NXPE2: variants seen among roughly 807,000 people sequenced by gnomAD.
NXPE2 encodes neurexophilin and PC-esterase domain family member 2, also known as NXPE family member 2.
NXPE2 carries 34 observed loss-of-function variants against 34.4 expected under a neutral mutation model. That is an observed-to-expected ratio of 0.99 (90% confidence interval 0.75 to 1.31). The LOEUF is 1.31. Among genes scored for constraint, NXPE2 ranks in the 40% most tolerant of loss-of-function variants. NXPE2 has a pLI of 0.00. For missense variants in NXPE2, 649 were observed against 672.5 expected (o/e 0.97, Z 0.39); for synonymous variants, 235 against 231.3 (o/e 1.02, Z -0.15).
chr11:114,514,902 A>C, the NXPE2 span, among the ~76,000 whole-genome samples: 1 of 152,054 alleles, frequency 6.6e-6, no homozygotes, highest in Non-Finnish European at 1.5e-5. Context: ...GTTTTAATAA[A>C]CTATATATTT....
intron 2 of NXPE2, among the ~76,000 whole-genome samples, chr11:114,693,344 T>C (rs567438078): frequency 1.4e-3 from 219 of 152,316 alleles, no homozygotes; most frequent in African/African-American, 4.7e-3. Context: ...TCAAAAGAGC[T>C]ATCCCACAAA....
At chr11:114,709,126 TTTAAA>T (rs1157560963), downstream of NXPE2, among the ~76,000 whole-genome samples, 1 of 152,242 alleles carries the variant, frequency 6.6e-6, no homozygotes, top group Admixed American at 6.5e-5. Flanking sequence ...GCTATTTAAA[TTTAAA>T]TTAAATTAAG....
intron 2 of NXPE2, among the ~76,000 whole-genome samples, chr11:114,681,555 C>A (rs17117261): frequency 0.16 from 23,842 of 152,104 alleles, 2,166 homozygotes; most frequent in South Asian, 0.2. Context: ...GTAACTTCCA[C>A]GTAGTTCTTA....
chr11:114,646,621 A>T, the NXPE2 span, among the ~76,000 whole-genome samples: 1 of 152,168 alleles, frequency 6.6e-6, no homozygotes, highest in South Asian at 2.1e-4. Flanking sequence ...GCATCAAAAT[A>T]ACAAGTATTT....
the NXPE2 span, among the ~76,000 whole-genome samples, chr11:114,485,381 G>GTTTTTTTT: frequency 1.4e-5 from 1 of 72,470 alleles, no homozygotes. Flanking sequence ...GCTAATTTTT[G>GTTTTTTTT]TCTTTTTTTT....
At chr11:114,588,092 C>A in the NXPE2 span, among the ~76,000 whole-genome samples, 1 of 152,108 alleles carries the variant, frequency 6.6e-6, no homozygotes, top group Non-Finnish European at 1.5e-5. Flanking sequence ...ATCAGGAGGG[C>A]CCAAAGGGAA....
At chr11:114,741,291 C>A in the NXPE2 span, among the ~76,000 whole-genome samples, 5 of 152,280 alleles carry the variant, frequency 3.3e-5, no homozygotes, top group Non-Finnish European at 7.4e-5. Flanking sequence ...TACAATGTGT[C>A]CTTGTGAAGT....
At chr11:114,468,149 A>G in the NXPE2 span, among the ~76,000 whole-genome samples, 2 of 130,266 alleles carry the variant, frequency 1.5e-5, no homozygotes, top group African/African-American at 3.0e-5. Flanking sequence ...AAAAAAAAAA[A>G]TTGCAAAAAG....
chr11:114,493,690 A>G, the NXPE2 span, among the ~76,000 whole-genome samples: 1 of 151,936 alleles, frequency 6.6e-6, no homozygotes, highest in South Asian at 2.1e-4. Context: ...AGTTGTAGTT[A>G]TTATTTTTTA....
the NXPE2 span, among the ~76,000 whole-genome samples, chr11:114,789,941 A>G: frequency 2.0e-4 from 31 of 152,302 alleles, no homozygotes; most frequent in South Asian, 4.1e-3. Context: ...TGCTGTACTC[A>G]AATGTTTGCT....
At chr11:114,804,588 T>A in the NXPE2 span, among the ~76,000 whole-genome samples, 1 of 152,358 alleles carries the variant, frequency 6.6e-6, no homozygotes, top group African/African-American at 2.4e-5. Context: ...TGAGTGTATT[T>A]GCATTGTCAC....
the NXPE2 span, among the ~76,000 whole-genome samples, chr11:114,586,315 C>T: frequency 6.6e-6 from 1 of 152,132 alleles, no homozygotes; most frequent in East Asian, 1.9e-4. Context: ...CGGGTATTAT[C>T]CCAGATGAAA....
the NXPE2 span, among the ~76,000 whole-genome samples, chr11:114,598,617 G>C: frequency 6.6e-6 from 1 of 152,202 alleles, no homozygotes; most frequent in African/African-American, 2.4e-5. Context: ...AGCCACCAAG[G>C]CTTATGGCTT....
At chr11:114,700,184 C>G (rs1591441639) in intron 3 of NXPE2, among the ~76,000 whole-genome samples, 1 of 152,068 alleles carries the variant, frequency 6.6e-6, no homozygotes, top group East Asian at 1.9e-4. Flanking sequence ...GATAGAAGGA[C>G]AAAAAGTAAA....
At chr11:114,560,898 T>A in the NXPE2 span, among the ~76,000 whole-genome samples, 1 of 152,234 alleles carries the variant, frequency 6.6e-6, no homozygotes, top group Non-Finnish European at 1.5e-5. Flanking sequence ...CCAGATTGGC[T>A]TTTCTCTTAG....
At chr11:114,736,964 C>T in the NXPE2 span, among the ~76,000 whole-genome samples, 1 of 152,042 alleles carries the variant, frequency 6.6e-6, no homozygotes, top group African/African-American at 2.4e-5. Flanking sequence ...CTTATTCTCT[C>T]CTCTCTCTCT....
the NXPE2 span, among the ~76,000 whole-genome samples, chr11:114,661,416 C>T: frequency 2.0e-5 from 3 of 152,146 alleles, no homozygotes; most frequent in African/African-American, 7.2e-5. Context: ...AGATAGGCAA[C>T]AAAGGTAAAC....
chr11:114,765,327 A>G, the NXPE2 span, among the ~76,000 whole-genome samples: 3 of 152,380 alleles, frequency 2.0e-5, no homozygotes, highest in East Asian at 1.9e-4. Flanking sequence ...ATTTGTGTCA[A>G]TACTGTGTGT....
At chr11:114,640,090 T>C in the NXPE2 span, among the ~76,000 whole-genome samples, 2 of 92,546 alleles carry the variant, frequency 2.2e-5, no homozygotes, top group Non-Finnish European at 4.3e-5. Flanking sequence ...TATAATGTAA[T>C]ATAATATATG....
Sources: gnomAD v4.1 joint callset for allele counts (sites outside exome capture counted in the v4.1 genomes callset) on GRCh38, gnomAD v4.1.1 for gene constraint, MANE v1.5 for transcripts, NCBI Gene and HGNC (gene_info 2026-07-23, HGNC 2026-07-21) for gene names.